Variants in NEDD9 observed in about 807,000 individuals in gnomAD.
The protein encoded by NEDD9 is neural precursor cell expressed, developmentally down-regulated 9.
A neutral mutation model predicts 76.6 loss-of-function variants in NEDD9; 26 were observed. That is an observed-to-expected ratio of 0.34 (90% confidence interval 0.25 to 0.47). The LOEUF (loss-of-function observed/expected upper bound fraction) is 0.47. NEDD9 is among the 20% of genes least tolerant of loss of function. NEDD9 has a pLI of 1.00. For synonymous variants in NEDD9, 392 were observed against 414.2 expected, an observed-to-expected ratio of 0.95 and a Z score of 0.65; for missense variants, 937 against 1,058.5, an observed-to-expected ratio of 0.89 and a Z score of 1.59.
At chr6:11,326,695 A>G (rs1355588156) in intron 2 of NEDD9, among the ~76,000 whole-genome samples, 2 of 152,170 alleles carry the variant, frequency 1.3e-5, no homozygotes, top group Non-Finnish European at 2.9e-5. Context: ...GTCACTGAGA[A>G]CACAGGAGCA....
intron 2 of NEDD9, among the ~76,000 whole-genome samples, chr6:11,203,551 C>T (rs1241620097): frequency 1.3e-5 from 2 of 152,170 alleles, no homozygotes; most frequent in African/African-American, 2.4e-5. Context: ...AGGCAGAACT[C>T]GGTGCCAGCT....
intron 2 of NEDD9, among the ~76,000 whole-genome samples, chr6:11,321,414 G>A (rs896750241): frequency 6.6e-6 from 1 of 152,214 alleles, no homozygotes; most frequent in African/African-American, 2.4e-5. Flanking sequence ...TATTCAAAAT[G>A]CCGTGAGCCC....
intron 3 of NEDD9, among the ~76,000 whole-genome samples, chr6:11,269,250 G>T (rs886220396): frequency 2.6e-5 from 4 of 152,164 alleles, no homozygotes; most frequent in Non-Finnish European, 4.4e-5. Context: ...GACTTTCTCT[G>T]GTGTCTTAGG....
chr6:11,306,238 T>C (rs1239668241), intron 2 of NEDD9: 11 of 563,242 alleles, frequency 2.0e-5, no homozygotes, highest in Non-Finnish European at 3.5e-5. Context: ...GGTTGCATCA[T>C]AGCAGCTGGA....
At chr6:11,312,491 T>C (rs1761400664) in intron 2 of NEDD9, among the ~76,000 whole-genome samples, 1 of 152,158 alleles carries the variant, frequency 6.6e-6, no homozygotes, top group East Asian at 1.9e-4. Context: ...GATTACTGCA[T>C]TGGCCCTTGA....
At chr6:11,218,315 A>C (rs1581964023) in intron 1 of NEDD9, among the ~76,000 whole-genome samples, 1 of 146,764 alleles carries the variant, frequency 6.8e-6, no homozygotes, top group African/African-American at 2.5e-5. Context: ...TTTCCACCTC[A>C]CTGCCACCCT....
intron 3 of NEDD9, among the ~76,000 whole-genome samples, chr6:11,246,218 A>T (rs971835562): frequency 1.3e-5 from 2 of 152,250 alleles, no homozygotes; most frequent in Non-Finnish European, 2.9e-5. Flanking sequence ...GACTGAATGT[A>T]AGATATCAAC....
chr6:11,291,616 C>T (rs1048001619), intron 3 of NEDD9, among the ~76,000 whole-genome samples: 2 of 152,202 alleles, frequency 1.3e-5, no homozygotes, highest in African/African-American at 2.4e-5. Context: ...TCCATGTAAA[C>T]CTACTGTTTA....
chr6:11,332,811 T>A (rs1015610610), intron 2 of NEDD9, among the ~76,000 whole-genome samples: 2 of 152,130 alleles, frequency 1.3e-5, no homozygotes, highest in Non-Finnish European at 2.9e-5. Flanking sequence ...CTGTGCTTGA[T>A]GATTGAATGG....
chr6:11,188,373 A>G (rs1380414142), intron 5 of NEDD9, 66 bp from the exon 6 acceptor site: 2 of 1,292,618 alleles, frequency 1.5e-6, no homozygotes, highest in Non-Finnish European at 2.3e-6. Context: ...TAACAATTTC[A>G]TTGACGGATG....
In NEDD9 at chr6:11,232,444, C is replaced by G. The variant is rs940385155; in HGVS notation, c.12+60G>C. On this transcript the variant is annotated intron_variant, in intron 1 of 6. Transcript: ENST00000379446. ...ACAGTAAGGAACACGCATACACAAGCACACACCCGCAGGCACAGCTTTCAG... is the reference window on the plus strand; with the variant it reads ...ACAGTAAGGAACACGCATACACAAGGACACACCCGCAGGCACAGCTTTCAG... 1.6e-5 allele frequency: 25 copies of G among 1,605,772 alleles called. No homozygotes were observed. The East Asian group carries it at 5.6e-4, about 36-fold the overall frequency.
At chr6:11,374,390 C>T (rs1762937331) in intron 1 of NEDD9, among the ~76,000 whole-genome samples, 2 of 152,142 alleles carry the variant, frequency 1.3e-5, no homozygotes, top group African/African-American at 4.8e-5. Context: ...TTGCTAAAGC[C>T]ATGTCCTGAT....
rs148799593 is a variant in NEDD9, at chr6:11,356,598, G to A, written c.-213-22037C>T. The stretch of plus-strand genomic sequence containing the variant: ...GGTTTCTGTTTCAGTAAGGCTGGGC[G>A]GGGCTGGAATTTGCATTCCTAAGAT... On this transcript the variant is annotated intron_variant, in intron 1 of 3. Transcript: ENST00000397378. Among the ~76,000 whole-genome samples, 1,219 of 152,156 alleles carry A rather than the reference G, an allele frequency of 8.0e-3. 6 individuals are homozygous for A. The highest frequency in any genetic ancestry group is 0.027 in the Middle Eastern group (8 of 294).
chr6:11,192,002 CT>C (rs1168983766), intron 4 of NEDD9, among the ~76,000 whole-genome samples: 1 of 152,150 alleles, frequency 6.6e-6, no homozygotes, highest in African/African-American at 2.4e-5. Context: ...GAGACCCTGT[CT>C]CAAACAAAAT....
At chr6:11,365,546 G>GGT (rs1220701000) in intron 1 of NEDD9, among the ~76,000 whole-genome samples, 2 of 152,296 alleles carry the variant, frequency 1.3e-5, no homozygotes, top group Non-Finnish European at 2.9e-5. Flanking sequence ...GCAGAAGAGT[G>GGT]GTGGCTTGGA....
At chr6:11,365,651 A>T (rs1001506043) in intron 1 of NEDD9, among the ~76,000 whole-genome samples, 2 of 151,992 alleles carry the variant, frequency 1.3e-5, no homozygotes, top group Non-Finnish European at 2.9e-5. Context: ...TTCAGTACTT[A>T]AAAAAAAGGC....
chr6:11,312,837 G>A (rs1362498104), intron 2 of NEDD9, among the ~76,000 whole-genome samples: 2 of 151,966 alleles, frequency 1.3e-5, no homozygotes, highest in African/African-American at 2.4e-5. Flanking sequence ...TTGAAGCTAG[G>A]TAATTGATAC....
chr6:11,208,177 CA>C (rs201241404), intron 2 of NEDD9, among the ~76,000 whole-genome samples: 3,384 of 63,886 alleles, frequency 0.053, 82 homozygotes, highest in African/African-American at 0.14. Flanking sequence ...GACCCTGACT[CA>C]AAAAAAAAAA....
chr6:11,364,462 T>C (rs1255047173), intron 1 of NEDD9, among the ~76,000 whole-genome samples: 1 of 152,148 alleles, frequency 6.6e-6, no homozygotes, highest in Non-Finnish European at 1.5e-5. Context: ...CCCAAAGGTG[T>C]GTGACATTAT....
Sources: gnomAD v4.1 joint callset for allele counts (sites outside exome capture counted in the v4.1 genomes callset) on GRCh38, gnomAD v4.1.1 for gene constraint, MANE v1.5 for transcripts, NCBI Gene and HGNC (gene_info 2026-07-23, HGNC 2026-07-21) for gene names.